FBN2: variants seen among roughly 807,000 people sequenced by gnomAD.
FBN2 encodes the protein fibrillin 2.
In FBN2, 105 loss-of-function variants were observed where a neutral mutation model predicts 355.6. The ratio of observed to expected loss-of-function variants is 0.30; its 90% CI spans 0.25 to 0.35. The LOEUF (loss-of-function observed/expected upper bound fraction) is 0.35. Ranked by LOEUF, FBN2 falls within the 10% of genes least tolerant of loss-of-function variation. The pLI, the probability that FBN2 is intolerant of heterozygous loss-of-function variation, is 1.00. For synonymous variants in FBN2, 1,350 were observed against 1,301.2 expected (o/e 1.04, Z -0.81); for missense variants, 3,280 against 3,758.7 (o/e 0.87, Z 3.33).
At chr5:128,393,476 A>T in intron 9 of FBN2, 108 bp from the exon 10 acceptor site, 2 of 820,886 alleles carry the variant, frequency 2.4e-6, no homozygotes, top group Admixed American at 4.0e-5. Context: ...ACTACACAAT[A>T]TGATTAAGTA....
At chr5:128,261,664 A>T (rs1422252859) in intron 64 of FBN2, 72 bp downstream of exon 64, 3 of 1,415,038 alleles carry the variant, frequency 2.1e-6, no homozygotes, top group Non-Finnish European at 3.0e-6. Context: ...GCTGAAAACG[A>T]CGTGAACTGC....
intron 55 of FBN2, among the ~76,000 whole-genome samples, chr5:128,280,708 A>G (rs1311965318): frequency 6.6e-6 from 1 of 152,136 alleles, no homozygotes; most frequent in African/African-American, 2.4e-5. Flanking sequence ...GGTGTTGGGT[A>G]TGGGTGATGA....
intron 34 of FBN2, among the ~76,000 whole-genome samples, chr5:128,327,011 T>C (rs1023052530): frequency 6.6e-6 from 1 of 152,206 alleles, no homozygotes; most frequent in Non-Finnish European, 1.5e-5. Context: ...TGCTGACCTG[T>C]TCCTTCTCCC....
At chr5:128,530,956 T>C (rs1442869190) in intron 2 of FBN2, among the ~76,000 whole-genome samples, 5 of 152,268 alleles carry the variant, frequency 3.3e-5, no homozygotes, top group Non-Finnish European at 7.4e-5. Flanking sequence ...CTGTTTTCCA[T>C]AGTGGCTGTA....
rs140274314 is a variant in FBN2 at position 128,415,703 on chromosome 5, T to C, written c.953-6904A>G. 2.1e-4 allele frequency among the ~76,000 whole-genome samples: 32 copies of C among 152,276 alleles called. 1 individual carries two copies. Among genetic ancestry groups the C allele is most frequent in the Admixed American group, 1.1e-3 (17 of 15,304 alleles). On this transcript the variant is annotated intron_variant, in intron 7 of 64. Transcript: ENST00000262464. ...TGTCCCTCTGATATAATAATTTCCT[T>C]TGAATAAATGCTATGTAGTGGAACT...
At chr5:128,321,928 A>C (rs542469855) in intron 34 of FBN2, among the ~76,000 whole-genome samples, 1 of 152,128 alleles carries the variant, frequency 6.6e-6, no homozygotes, top group Non-Finnish European at 1.5e-5. Flanking sequence ...AAGTGTTCCC[A>C]TTTCTCCACA....
intron 19 of FBN2, among the ~76,000 whole-genome samples, chr5:128,357,984 A>G (rs1178538407): frequency 2.6e-5 from 4 of 152,256 alleles, no homozygotes; most frequent in African/African-American, 9.6e-5. Flanking sequence ...TTGGTAAAAT[A>G]AAAATTAGAA....
rs529600652 is a variant in FBN2, at chr5:128,327,056, C to G, written c.4471+1640G>C. On this transcript the variant is annotated intron_variant, in intron 34 of 64. Coordinates refer to ENST00000262464, the MANE Select transcript of FBN2 (RefSeq NM_001999.4). ...TGTCAAGCTAATGTAGATAATAAAT[C>G]ATGTCATTCCACATTTACATTGATT... 3.9e-5 allele frequency among the ~76,000 whole-genome samples: 6 copies of G among 152,320 alleles called. No individual in the cohort carries two copies. The South Asian group carries it at 1.2e-3, about 32-fold the overall frequency.
chr5:128,296,418 G>A (rs1283480581), intron 48 of FBN2, among the ~76,000 whole-genome samples: 2 of 151,816 alleles, frequency 1.3e-5, no homozygotes. Flanking sequence ...AATGGTACCA[G>A]TTCCTCCTTG....
intron 8 of FBN2, among the ~76,000 whole-genome samples, chr5:128,403,185 A>G (rs1358652332): frequency 6.6e-6 from 1 of 151,932 alleles, no homozygotes; most frequent in Admixed American, 6.5e-5. Flanking sequence ...CCTTTTCTTG[A>G]AAAAGGAAAA....
intron 5 of FBN2, among the ~76,000 whole-genome samples, chr5:128,466,652 C>T (rs1346368635): frequency 2.6e-5 from 4 of 152,142 alleles, no homozygotes; most frequent in Admixed American, 6.5e-5. Flanking sequence ...GAAACAAAAT[C>T]GAGAATAGGT....
At chr5:128,287,253 T>C in intron 54 of FBN2, 55 bp downstream of exon 54, 17 of 1,589,046 alleles carry the variant, frequency 1.1e-5, no homozygotes, top group Non-Finnish European at 1.5e-5. Flanking sequence ...ATCATTAAGA[T>C]GTATCTCCAG....
rs187789704 is a variant in FBN2, at chr5:128,483,864, T to C, written c.629-18943A>G. 5.3e-5 allele frequency among the ~76,000 whole-genome samples: 8 copies of C among 152,308 alleles called. No homozygotes were observed. In the East Asian group the frequency reaches 1.2e-3, roughly 22 times the overall value. ...CTCTTCAAAAGCATAATCCTCTTTA[T>C]AGAGTAGACAAATCTGGTTGCCAGT... On this transcript the variant is annotated intron_variant, in intron 5 of 64. Transcript: ENST00000262464.
intron 11 of FBN2, among the ~76,000 whole-genome samples, chr5:128,387,786 G>T (rs919321333): frequency 6.6e-6 from 1 of 152,116 alleles, no homozygotes; most frequent in Non-Finnish European, 1.5e-5. Context: ...TAGAGTATGT[G>T]CTATGTTACA....
rs571221873 is a variant in FBN2, at chr5:128,312,192, C to T, written c.4880-239G>A. ...TTTGTTTTTAATTAAAGAAAAAATT[C>T]CCTTGCAGCTCTTTTAGCTAGTAAA... On this transcript the variant is annotated intron_variant, in intron 37 of 64. Coordinates refer to ENST00000262464, the MANE Select transcript of FBN2 (RefSeq NM_001999.4). 1.3e-4 allele frequency among the ~76,000 whole-genome samples: 20 copies of T among 152,212 alleles called. No individual in the cohort carries two copies. The East Asian group carries it at 3.7e-3, about 28-fold the overall frequency.
chr5:128,291,439 T>C (rs1749319205), intron 49 of FBN2, 90 bp downstream of exon 49: 1 of 1,430,936 alleles, frequency 7.0e-7, no homozygotes, highest in African/African-American at 1.4e-5. Flanking sequence ...ACATGTATTT[T>C]GTTAGGACTA....
chr5:128,345,661 A>G, intron 23 of FBN2, 77 bp from the exon 24 acceptor site: 1 of 1,321,224 alleles, frequency 7.6e-7, no homozygotes, highest in Non-Finnish European at 1.1e-6. Context: ...GCGTCTGCTC[A>G]GCACCAGGCA....
In FBN2 at chr5:128,374,640, G is replaced by A. The variant is rs747447916; in HGVS notation, c.2083C>T (p.Arg695Cys). 13 of 1,613,714 alleles carry A rather than the reference G, an allele frequency of 8.1e-6. No homozygotes were observed. Among genetic ancestry groups the A allele is most frequent in the East Asian group, 2.2e-5 (1 of 44,898 alleles). ...PPGLAVGMDG[R>C]VCVDTHMRST... Reference sequence around the variant, plus strand: ...ATGTTTCACTTACCAACACACACACGTCCATCCATGCCCACAGCCAGGCCT... The same window carrying A: ...ATGTTTCACTTACCAACACACACACATCCATCCATGCCCACAGCCAGGCCT... Residue 695 changes from arginine to cysteine, a missense_variant, in exon 15 of 65, where the codon CGT (arginine) becomes TGT (cysteine). Arg to Cys is a radical substitution (Grantham distance 180). This residue lies in a region of FBN2 where 2,284 missense variants were observed against 2,749.5 expected (regional missense o/e 0.83). Transcript: ENST00000262464.
chr5:128,437,631 A>C (rs1373225687), intron 7 of FBN2, among the ~76,000 whole-genome samples: 1 of 152,172 alleles, frequency 6.6e-6, no homozygotes, highest in Non-Finnish European at 1.5e-5. Context: ...AAGCAAAAGT[A>C]GGTCATGGAT....
Sources: allele counts gnomAD v4.1 joint callset (sites outside exome capture counted in the v4.1 genomes callset), GRCh38; gene constraint gnomAD v4.1.1; regional missense constraint gnomAD v4.1.1; transcripts MANE v1.5; gene names NCBI Gene and HGNC (gene_info 2026-07-23, HGNC 2026-07-21).